The following RFX3 variants were observed in gnomAD, a reference collection of about 807,000 sequenced individuals.
RFX3 encodes the protein regulatory factor X3, also known as transcription factor RFX3.
A neutral mutation model predicts 98.6 loss-of-function variants in RFX3; 14 were observed. The ratio of observed to expected loss-of-function variants is 0.14; its 90% CI spans 0.09 to 0.22. The LOEUF is 0.22. Among genes scored for constraint, RFX3 ranks in the 10% least tolerant of loss-of-function variants. The pLI is 1.00. For synonymous variants in RFX3, 383 were observed against 328.4 expected (o/e 1.17, Z -1.80); for missense variants, 639 against 926.9 (o/e 0.69, Z 4.03).
At chr9:3,467,044 A>G (rs1587768675) in intron 1 of RFX3, among the ~76,000 whole-genome samples, 1 of 144,632 alleles carries the variant, frequency 6.9e-6, no homozygotes, top group Non-Finnish European at 1.5e-5. Context: ...ATATATATAT[A>G]TATGTATATA....
At chr9:3,234,256 G>A (rs1336857132) in intron 15 of RFX3, among the ~76,000 whole-genome samples, 3 of 152,218 alleles carry the variant, frequency 2.0e-5, no homozygotes, top group African/African-American at 7.2e-5. Flanking sequence ...TTAGGACTCT[G>A]TCACAGTTAT....
At chr9:3,346,299 A>G (rs1489559627) in intron 3 of RFX3, among the ~76,000 whole-genome samples, 10 of 152,202 alleles carry the variant, frequency 6.6e-5, no homozygotes, top group African/African-American at 2.4e-4. Context: ...ATTTACATGC[A>G]AATACATCAC....
intron 4 of RFX3, among the ~76,000 whole-genome samples, chr9:3,313,556 G>A (rs980214136): frequency 5.9e-5 from 9 of 151,690 alleles, no homozygotes; most frequent in Non-Finnish European, 8.9e-5. Context: ...TCAGACGATC[G>A]GCAATAACAA....
At chr9:3,243,507 G>A (rs1466485566) in intron 15 of RFX3, among the ~76,000 whole-genome samples, 1 of 152,048 alleles carries the variant, frequency 6.6e-6, no homozygotes, top group African/African-American at 2.4e-5. Flanking sequence ...TTATAACATT[G>A]AAATGACAGC....
intron 4 of RFX3, among the ~76,000 whole-genome samples, chr9:3,305,560 A>C (rs1172433407): frequency 1.3e-5 from 2 of 151,978 alleles, no homozygotes; most frequent in African/African-American, 4.8e-5. Context: ...ATAATGCAGA[A>C]ATGGGGAAGA....
chr9:3,427,774 T>C (rs978531953), intron 1 of RFX3, among the ~76,000 whole-genome samples: 2 of 152,058 alleles, frequency 1.3e-5, no homozygotes, highest in Non-Finnish European at 2.9e-5. Flanking sequence ...AACTCTCTGG[T>C]AAGCCCACAG....
intron 2 of RFX3, among the ~76,000 whole-genome samples, chr9:3,358,033 G>A (rs1835978426): frequency 6.6e-6 from 1 of 151,946 alleles, no homozygotes; most frequent in African/African-American, 2.4e-5. Context: ...TCTTCATGGT[G>A]GTCAATACTG....
chr9:3,438,655 A>G (rs1379589163), intron 1 of RFX3, among the ~76,000 whole-genome samples: 2 of 152,076 alleles, frequency 1.3e-5, no homozygotes, highest in East Asian at 3.8e-4. Flanking sequence ...TACATTAAAT[A>G]TAGACACATA....
chr9:3,258,141 T>C (rs957319168), intron 13 of RFX3, among the ~76,000 whole-genome samples: 2 of 152,172 alleles, frequency 1.3e-5, no homozygotes, highest in Non-Finnish European at 2.9e-5. Flanking sequence ...AATTAATTTA[T>C]GTGGGCCTCA....
chr9:3,485,440 A>G (rs188542922), intron 1 of RFX3, among the ~76,000 whole-genome samples: 1 of 152,338 alleles, frequency 6.6e-6, no homozygotes, highest in East Asian at 1.9e-4. Flanking sequence ...GAGTGAACCA[A>G]TAGTCAAACT....
chr9:3,236,053 C>A (rs1007987341), intron 15 of RFX3, among the ~76,000 whole-genome samples: 2 of 152,034 alleles, frequency 1.3e-5, no homozygotes, highest in African/African-American at 4.8e-5. Context: ...CCCGATTAAG[C>A]TATTTGGGAC....
chr9:3,240,320 C>T (rs1182077425), intron 15 of RFX3, among the ~76,000 whole-genome samples: 2 of 152,216 alleles, frequency 1.3e-5, no homozygotes, highest in African/African-American at 4.8e-5. Flanking sequence ...GCAGCATATC[C>T]TTTATGCAAG....
At chr9:3,377,278 G>T (rs954281268) in intron 2 of RFX3, among the ~76,000 whole-genome samples, 3 of 152,206 alleles carry the variant, frequency 2.0e-5, no homozygotes, top group Non-Finnish European at 4.4e-5. Context: ...AAAAGGATGA[G>T]TTCATGTCCT....
intron 2 of RFX3, among the ~76,000 whole-genome samples, chr9:3,380,297 T>C (rs536354795): frequency 5.6e-4 from 85 of 152,318 alleles, no homozygotes; most frequent in African/African-American, 1.8e-3. Context: ...AGTACCACCC[T>C]CTCTAGAAAG....
At chr9:3,310,761 C>A (rs911783086) in intron 4 of RFX3, among the ~76,000 whole-genome samples, 2 of 152,030 alleles carry the variant, frequency 1.3e-5, no homozygotes, top group African/African-American at 4.8e-5. Context: ...AAATTGAAAT[C>A]CAAGATTTAT....
chr9:3,353,449 G>C (rs898408051), intron 2 of RFX3, among the ~76,000 whole-genome samples: 3 of 152,144 alleles, frequency 2.0e-5, no homozygotes, highest in African/African-American at 7.2e-5. Context: ...GACAGCAACA[G>C]ACCCAAGAGA....
At chr9:3,245,853 T>A (rs567860811) in intron 15 of RFX3, among the ~76,000 whole-genome samples, 4 of 152,296 alleles carry the variant, frequency 2.6e-5, no homozygotes, top group African/African-American at 9.6e-5. Context: ...ACTCCCACTA[T>A]GTACACAGGC....
chr9:3,440,658 C>T (rs766140406), intron 1 of RFX3, among the ~76,000 whole-genome samples: 40 of 152,274 alleles, frequency 2.6e-4, no homozygotes, highest in Non-Finnish European at 4.3e-4. Context: ...TCAAGTCTTG[C>T]TAAATTCATT....
intron 1 of RFX3, among the ~76,000 whole-genome samples, chr9:3,486,719 A>G (rs1002855953): frequency 6.6e-6 from 1 of 152,232 alleles, no homozygotes; most frequent in Non-Finnish European, 1.5e-5. Flanking sequence ...TTGCTAATAC[A>G]TATTCAATTT....
Sources: allele counts gnomAD v4.1 joint callset (sites outside exome capture counted in the v4.1 genomes callset), GRCh38; gene constraint gnomAD v4.1.1; transcripts MANE v1.5; gene names NCBI Gene and HGNC (gene_info 2026-07-23, HGNC 2026-07-21).